Variants in LOC128462377 observed in about 807,000 individuals in gnomAD.
the LOC128462377 span, among the ~76,000 whole-genome samples, chr16:89,378,645 C>T: frequency 1.3e-5 from 2 of 152,190 alleles, no homozygotes; most frequent in East Asian, 1.9e-4. Flanking sequence ...TTTGAAGACA[C>T]TGGTGTACAC....
chr16:89,384,983 T>TC, the LOC128462377 span, among the ~76,000 whole-genome samples: 1 of 136,436 alleles, frequency 7.3e-6, no homozygotes, highest in East Asian at 2.3e-4. Context: ...ACTCCTGGGT[T>TC]CAAGTGATTC....
the LOC128462377 span, among the ~76,000 whole-genome samples, chr16:89,411,600 G>T: frequency 6.6e-6 from 1 of 152,050 alleles, no homozygotes; most frequent in Non-Finnish European, 1.5e-5. Context: ...TTTTTGGAGA[G>T]ATGGGGTCTT....
chr16:89,349,134 TAAAAAAA>T, the LOC128462377 span, among the ~76,000 whole-genome samples: 23 of 16,578 alleles, frequency 1.4e-3, no homozygotes, highest in South Asian at 7.2e-3. Flanking sequence ...TCTCAAAAAG[TAAAAAAA>T]AAAAAAAAAA....
chr16:89,393,353 C>G, the LOC128462377 span, among the ~76,000 whole-genome samples: 4 of 147,284 alleles, frequency 2.7e-5, no homozygotes, highest in East Asian at 7.9e-4. Context: ...CTCTGTAGTG[C>G]GAGACCACTC....
At chr16:89,328,380 A>C in the LOC128462377 span, among the ~76,000 whole-genome samples, 2 of 152,226 alleles carry the variant, frequency 1.3e-5, no homozygotes, top group African/African-American at 2.4e-5. Context: ...TGTGAACACA[A>C]AGACCTGTTT....
At chr16:89,361,428 C>T in the LOC128462377 span, 1 of 152,426 alleles carries the variant, frequency 6.6e-6, no homozygotes, top group East Asian at 1.9e-4. Context: ...AGGTGACTGT[C>T]TTCATCATCA....
chr16:89,346,650 G>A, the LOC128462377 span, among the ~76,000 whole-genome samples: 1 of 152,272 alleles, frequency 6.6e-6, no homozygotes, highest in Admixed American at 6.5e-5. Context: ...TGAGGGAGGA[G>A]GGAAACCAGA....
chr16:89,392,739 C>T, the LOC128462377 span: 1 of 147,602 alleles, frequency 6.8e-6, no homozygotes, highest in African/African-American at 2.5e-5. Flanking sequence ...CTAGGATGTC[C>T]GGCACACCCA....
At chr16:89,356,612 A>G in the LOC128462377 span, among the ~76,000 whole-genome samples, 1 of 148,294 alleles carries the variant, frequency 6.7e-6, no homozygotes, top group African/African-American at 2.5e-5. Context: ...TCTACTAAAA[A>G]TACAAAAAAA....
At chr16:89,376,813 G>C in the LOC128462377 span, among the ~76,000 whole-genome samples, 1 of 152,228 alleles carries the variant, frequency 6.6e-6, no homozygotes, top group Non-Finnish European at 1.5e-5. Flanking sequence ...ACATTTGTTA[G>C]TAAGAAAGAG....
chr16:89,360,273 T>TTA, the LOC128462377 span, among the ~76,000 whole-genome samples: 1 of 152,212 alleles, frequency 6.6e-6, no homozygotes, highest in African/African-American at 2.4e-5. Flanking sequence ...TTATCTTATT[T>TTA]TGTATTAGGG....
the LOC128462377 span, among the ~76,000 whole-genome samples, chr16:89,398,518 A>G: frequency 1.3e-5 from 2 of 152,232 alleles, no homozygotes; most frequent in Non-Finnish European, 2.9e-5. Context: ...GGAGTGTGAG[A>G]CCAGCCTGGG....
the LOC128462377 span, among the ~76,000 whole-genome samples, chr16:89,349,353 G>A: frequency 3.0e-4 from 45 of 151,026 alleles, no homozygotes; most frequent in African/African-American, 9.0e-4. Context: ...GGTGGCGGGC[G>A]CCTGTAGTCC....
At chr16:89,320,747 T>C in the LOC128462377 span, among the ~76,000 whole-genome samples, 2 of 152,202 alleles carry the variant, frequency 1.3e-5, no homozygotes, top group Non-Finnish European at 2.9e-5. Context: ...AAGACACAAC[T>C]CAGCCCAGCG....
the LOC128462377 span, among the ~76,000 whole-genome samples, chr16:89,335,241 G>A: frequency 6.6e-6 from 1 of 152,152 alleles, no homozygotes; most frequent in African/African-American, 2.4e-5. Context: ...AGACGCGGGT[G>A]ACAGCCTCAC....
the LOC128462377 span, among the ~76,000 whole-genome samples, chr16:89,364,911 G>T: frequency 1.3e-5 from 2 of 152,198 alleles, no homozygotes; most frequent in African/African-American, 4.8e-5. Flanking sequence ...ATCGAATGCT[G>T]AATACCTGTG....
chr16:89,408,539 G>C, the LOC128462377 span, among the ~76,000 whole-genome samples: 1 of 152,232 alleles, frequency 6.6e-6, no homozygotes, highest in Admixed American at 6.5e-5. Context: ...TCTGGCAGGA[G>C]TGTAACAGCC....
the LOC128462377 span, among the ~76,000 whole-genome samples, chr16:89,411,141 G>A: frequency 3.9e-5 from 6 of 152,384 alleles, no homozygotes; most frequent in South Asian, 1.0e-3. Context: ...AGCAGCACAG[G>A]GGCTCGGGCC....
the LOC128462377 span, among the ~76,000 whole-genome samples, chr16:89,360,199 C>G: frequency 6.6e-6 from 1 of 152,196 alleles, no homozygotes; most frequent in African/African-American, 2.4e-5. Flanking sequence ...AGGCTAATAG[C>G]CTCCAGCTCC....
Sources: allele counts gnomAD v4.1 joint callset (sites outside exome capture counted in the v4.1 genomes callset), GRCh38; gene constraint gnomAD v4.1.1; transcripts MANE v1.5.